The following CLVS1 variants were observed in gnomAD, a reference collection of about 807,000 sequenced individuals.
CLVS1 encodes clavesin 1.
A neutral mutation model predicts 33.1 loss-of-function variants in CLVS1; 10 were observed. The ratio of observed to expected loss-of-function variants is 0.30; its 90% CI spans 0.19 to 0.51. The LOEUF (loss-of-function observed/expected upper bound fraction) is 0.51. Among genes scored for constraint, CLVS1 ranks in the 20% least tolerant of loss-of-function variants. The probability of loss-of-function intolerance (pLI) is 0.97; values close to 1 mark genes in which losing one functional copy is unlikely to be tolerated. For synonymous variants in CLVS1, 163 were observed against 166.1 expected (o/e 0.98, Z 0.14); for missense variants, 343 against 433.4 (o/e 0.79, Z 1.85).
At chr8:61,395,883 G>A (rs116286404) in intron 3 of CLVS1, among the ~76,000 whole-genome samples, 49 of 152,214 alleles carry the variant, frequency 3.2e-4, no homozygotes, top group African/African-American at 1.1e-3. Flanking sequence ...GGTTTTCAAG[G>A]TAAGATATTT....
intron 4 of CLVS1, 65 bp downstream of exon 4, chr8:61,454,316 C>T (rs1203262742): frequency 1.8e-6 from 2 of 1,110,118 alleles, no homozygotes; most frequent in East Asian, 4.7e-5. Flanking sequence ...TTTCTCTCTC[C>T]CCTCCTCTCT....
intron 2 of CLVS1, among the ~76,000 whole-genome samples, chr8:61,318,028 A>G (rs1409567228): frequency 6.6e-6 from 1 of 152,196 alleles, no homozygotes. Context: ...GACTGTAGCT[A>G]GTAAACTCTC....
At chr8:61,038,402 G>A in the CLVS1 span, among the ~76,000 whole-genome samples, 9 of 150,470 alleles carry the variant, frequency 6.0e-5, no homozygotes, top group African/African-American at 2.0e-4. Context: ...TTGGTGAAAT[G>A]TGCTCTAAAG....
chr8:61,381,629 C>T (rs904968280), intron 3 of CLVS1, among the ~76,000 whole-genome samples: 3 of 152,098 alleles, frequency 2.0e-5, no homozygotes, highest in Admixed American at 2.0e-4. Flanking sequence ...CTATTATTCC[C>T]TTCTTTGTGT....
At position 61,313,654 on chromosome 8, in the gene CLVS1, C is replaced by T. The variant is rs78338826; in HGVS notation, c.455+13372C>T. ...CTCCTTGGTATCCATGAGTACAGTG[C>T]AGGGGGCAGTGGTGTCCTGTTGGCT... On this transcript the variant is annotated intron_variant, in intron 2 of 5. Coordinates refer to ENST00000325897, the MANE Select transcript of CLVS1 (RefSeq NM_173519.3). 0.011 allele frequency among the ~76,000 whole-genome samples: 1,734 copies of T among 152,238 alleles called. 101 individuals are homozygous for T. In the East Asian group the frequency reaches 0.19, roughly 17 times the overall value.
At position 61,190,199 on chromosome 8, in the gene CLVS1, A is replaced by G. The variant is rs186599882; in HGVS notation, c.-152+58339A>G. ...TCTCAGACCACAGTGCGATCAAACT[A>G]GAACTCAGGATTAAGAAACTCACTC... is the stretch of plus-strand genomic sequence containing the variant. On this transcript the variant is annotated intron_variant, in intron 2 of 2. Transcript: ENST00000522621. 7.9e-4 allele frequency among the ~76,000 whole-genome samples: 120 copies of G among 152,356 alleles called. 1 individual carries two copies. The highest frequency in any genetic ancestry group is 2.8e-3 in the African/African-American group (116 of 41,592).
At chr8:61,023,102 AAAT>A in the CLVS1 span, among the ~76,000 whole-genome samples, 1 of 152,252 alleles carries the variant, frequency 6.6e-6, no homozygotes, top group South Asian at 2.1e-4. Context: ...TTAGGGAGGA[AAAT>A]AAATATTATA....
intron 5 of CLVS1, among the ~76,000 whole-genome samples, chr8:61,493,458 T>C (rs140241334): frequency 7.2e-4 from 110 of 152,322 alleles, no homozygotes; most frequent in Middle Eastern, 3.4e-3. Flanking sequence ...CACCTTAATT[T>C]ATCTAATCCT....
At chr8:61,014,373 G>C in the CLVS1 span, among the ~76,000 whole-genome samples, 1 of 152,156 alleles carries the variant, frequency 6.6e-6, no homozygotes, top group Non-Finnish European at 1.5e-5. Flanking sequence ...AGCCTGAGTT[G>C]ATGGGTGGTG....
chr8:61,090,836 A>G, intron 1 of CLVS1: 5 of 517,418 alleles, frequency 9.7e-6, no homozygotes, highest in South Asian at 7.0e-5. Context: ...GATTTAGATG[A>G]TAAGATTTGG....
chr8:61,202,424 C>A (rs915866844), intron 2 of CLVS1: 29 of 773,440 alleles, frequency 3.7e-5, no homozygotes, highest in Non-Finnish European at 6.6e-5. Context: ...GAACTAAAGG[C>A]TGACAAAGAT....
chr8:61,275,528 A>G (rs1334360354), intron 2 of CLVS1, among the ~76,000 whole-genome samples: 1 of 152,206 alleles, frequency 6.6e-6, no homozygotes, highest in African/African-American at 2.4e-5. Context: ...TAGGTCGTTA[A>G]TATAACACTT....
intron 2 of CLVS1, among the ~76,000 whole-genome samples, chr8:61,246,866 A>G (rs2919320): frequency 0.25 from 38,449 of 151,948 alleles, 6,070 homozygotes; most frequent in Non-Finnish European, 0.33. Context: ...AGATAACTAC[A>G]TGTCATGGGG....
intron 2 of CLVS1, among the ~76,000 whole-genome samples, chr8:61,357,340 T>G (rs1053527531): frequency 3.0e-4 from 45 of 152,030 alleles, no homozygotes; most frequent in Non-Finnish European, 1.8e-4. Context: ...GTACCTATAT[T>G]GATGCATACA....
intron 1 of CLVS1, among the ~76,000 whole-genome samples, chr8:61,123,953 C>T (rs1057351211): frequency 1.3e-5 from 2 of 152,116 alleles, no homozygotes; most frequent in African/African-American, 4.8e-5. Context: ...AGAAGCAAGA[C>T]AGGACTTCAG....
chr8:61,283,008 G>C (rs369059437), upstream of CLVS1, among the ~76,000 whole-genome samples: 6 of 152,320 alleles, frequency 3.9e-5, no homozygotes, highest in East Asian at 9.6e-4. Flanking sequence ...GTCTGGACAG[G>C]AATATTGGAT....
intron 3 of CLVS1, among the ~76,000 whole-genome samples, chr8:61,379,909 A>G (rs1407310051): frequency 6.6e-6 from 1 of 152,202 alleles, no homozygotes; most frequent in African/African-American, 2.4e-5. Flanking sequence ...AGGAAAAGGT[A>G]GTAAACTTGG....
At chr8:60,983,384 G>A in the CLVS1 span, among the ~76,000 whole-genome samples, 1 of 152,060 alleles carries the variant, frequency 6.6e-6, no homozygotes, top group African/African-American at 2.4e-5. Flanking sequence ...ATGAGTATTC[G>A]GGGCACTGCA....
chr8:61,125,587 C>G (rs1343245188), intron 1 of CLVS1, among the ~76,000 whole-genome samples: 1 of 152,142 alleles, frequency 6.6e-6, no homozygotes, highest in Non-Finnish European at 1.5e-5. Flanking sequence ...ACAATAGATG[C>G]AAATGGACTC....
Sources: allele counts gnomAD v4.1 joint callset (sites outside exome capture counted in the v4.1 genomes callset), GRCh38; gene constraint gnomAD v4.1.1; transcripts MANE v1.5; gene names NCBI Gene and HGNC (gene_info 2026-07-23, HGNC 2026-07-21).